CATSPERT: variants seen among roughly 807,000 people sequenced by gnomAD.
CATSPERT encodes cation channel sperm-associated targeting subunit tau.
the CATSPERT span, among the ~76,000 whole-genome samples, chr2:201,513,391 A>G: frequency 6.6e-6 from 1 of 152,196 alleles, no homozygotes; most frequent in Non-Finnish European, 1.5e-5. Context: ...ACCATCTTAC[A>G]CCAGTCAGAA....
At chr2:201,496,019 T>C in the CATSPERT span, 1 of 1,204,892 alleles carries the variant, frequency 8.3e-7, no homozygotes, top group East Asian at 2.5e-5. Flanking sequence ...TATAAGAATA[T>C]CAAGATCATT....
the CATSPERT span, among the ~76,000 whole-genome samples, chr2:201,595,504 A>C: frequency 1.3e-5 from 2 of 152,116 alleles, no homozygotes; most frequent in East Asian, 3.9e-4. Flanking sequence ...TTTTCCTTCT[A>C]ACAGACAGGA....
chr2:201,521,451 GAA>G, the CATSPERT span, among the ~76,000 whole-genome samples: 8 of 132,758 alleles, frequency 6.0e-5, no homozygotes, highest in Admixed American at 2.4e-4. Flanking sequence ...GAGAGAGAGA[GAA>G]AGAGACACAC....
chr2:201,545,899 A>G, the CATSPERT span, among the ~76,000 whole-genome samples: 1 of 152,148 alleles, frequency 6.6e-6, no homozygotes, highest in Non-Finnish European at 1.5e-5. Flanking sequence ...TGAATGTGGG[A>G]GATGAATATT....
At chr2:201,506,129 C>T in the CATSPERT span, among the ~76,000 whole-genome samples, 4 of 151,770 alleles carry the variant, frequency 2.6e-5, no homozygotes, top group Non-Finnish European at 4.4e-5. Context: ...TAGCTGGGGG[C>T]GGTGGCAGGC....
the CATSPERT span, among the ~76,000 whole-genome samples, chr2:201,520,171 G>A: frequency 1.3e-5 from 2 of 152,092 alleles, no homozygotes; most frequent in African/African-American, 4.8e-5. Flanking sequence ...GATATATAAA[G>A]CAAATATTAT....
the CATSPERT span, among the ~76,000 whole-genome samples, chr2:201,572,679 G>A: frequency 1.3e-5 from 2 of 151,816 alleles, no homozygotes; most frequent in African/African-American, 4.8e-5. Flanking sequence ...CACAAAAGGA[G>A]TAAACAATTA....
At chr2:201,571,268 G>A in the CATSPERT span, among the ~76,000 whole-genome samples, 195 of 152,124 alleles carry the variant, frequency 1.3e-3, no homozygotes, top group African/African-American at 4.4e-3. Context: ...GTGAGACTAC[G>A]GGAAAATAAG....
the CATSPERT span, chr2:201,574,382 A>T: frequency 1.1e-6 from 1 of 873,252 alleles, no homozygotes; most frequent in Non-Finnish European, 1.7e-6. Flanking sequence ...AGAAAAGCCA[A>T]AGTATGAATC....
At chr2:201,492,741 T>C in the CATSPERT span, 2 of 1,535,534 alleles carry the variant, frequency 1.3e-6, no homozygotes, top group Non-Finnish European at 1.7e-6. Context: ...TTTCAGAATA[T>C]TTCCCCTGAA....
At chr2:201,525,374 A>C in the CATSPERT span, among the ~76,000 whole-genome samples, 1 of 152,214 alleles carries the variant, frequency 6.6e-6, no homozygotes, top group African/African-American at 2.4e-5. Flanking sequence ...TAAATAATGA[A>C]ATTAAGGCAG....
chr2:201,543,095 T>C, the CATSPERT span, among the ~76,000 whole-genome samples: 4 of 152,246 alleles, frequency 2.6e-5, no homozygotes. Context: ...CCAACACCAT[T>C]TGCTGAAAAG....
the CATSPERT span, among the ~76,000 whole-genome samples, chr2:201,592,979 C>T: frequency 2.0e-5 from 3 of 151,998 alleles, no homozygotes; most frequent in African/African-American, 7.2e-5. Context: ...GTCTCTATTT[C>T]CTTCAGTTCT....
At chr2:201,604,155 G>A in the CATSPERT span, among the ~76,000 whole-genome samples, 1 of 151,690 alleles carries the variant, frequency 6.6e-6, no homozygotes, top group East Asian at 1.9e-4. Context: ...ATGTGTGTGT[G>A]TGTGTGTGTG....
At chr2:201,619,082 G>T in the CATSPERT span, 2 of 1,614,186 alleles carry the variant, frequency 1.2e-6, no homozygotes, top group Admixed American at 1.7e-5. Flanking sequence ...TGCCCGCTGC[G>T]GTTATCAAGT....
the CATSPERT span, among the ~76,000 whole-genome samples, chr2:201,499,303 GA>G: frequency 1.2e-4 from 18 of 152,106 alleles, no homozygotes; most frequent in Non-Finnish European, 2.4e-4. Context: ...AGAGGATATT[GA>G]GTTCTCTTTA....
chr2:201,496,320 A>C, the CATSPERT span, among the ~76,000 whole-genome samples: 28 of 152,142 alleles, frequency 1.8e-4, no homozygotes, highest in Admixed American at 6.6e-4. Flanking sequence ...AGCTCATATT[A>C]TATTGAGATA....
At chr2:201,573,983 T>G in the CATSPERT span, among the ~76,000 whole-genome samples, 26 of 152,296 alleles carry the variant, frequency 1.7e-4, no homozygotes, top group African/African-American at 5.8e-4. Flanking sequence ...AATAAAGACA[T>G]TTTGAATAAA....
the CATSPERT span, among the ~76,000 whole-genome samples, chr2:201,547,033 C>T: frequency 6.6e-6 from 1 of 152,006 alleles, no homozygotes; most frequent in East Asian, 1.9e-4. Context: ...AAGAACAACA[C>T]ATTGTATGAT....
Sources: gnomAD v4.1 joint callset for allele counts (sites outside exome capture counted in the v4.1 genomes callset) on GRCh38, gnomAD v4.1.1 for gene constraint, MANE v1.5 for transcripts, NCBI Gene and HGNC (gene_info 2026-07-23, HGNC 2026-07-21) for gene names.